The following ZNF362 variants were observed in gnomAD, a reference collection of about 807,000 sequenced individuals.
The protein encoded by ZNF362 is zinc finger protein 362.
In ZNF362, 11 loss-of-function variants were observed where a neutral mutation model predicts 42.9. The observed-to-expected ratio is 0.26, with a 90% CI of 0.16 to 0.42. The LOEUF (loss-of-function observed/expected upper bound fraction) is 0.42. Ranked by LOEUF, ZNF362 falls within the 20% of genes least tolerant of loss-of-function variation. ZNF362 has a pLI of 1.00. For missense variants in ZNF362, 362 were observed against 576.2 expected (o/e 0.63, Z 3.81); for synonymous variants, 255 against 257.3 (o/e 0.99, Z 0.09).
chr1:33,280,876 C>G lies in ZNF362; in HGVS notation c.683+419C>G, dbSNP rs956131020. ...CTGCGGTCAGGAGTTTGAGACCAGCCTGGCCAGCATGGTGAAACCTCGTCT... is the reference window on the plus strand; with the variant it reads ...CTGCGGTCAGGAGTTTGAGACCAGCGTGGCCAGCATGGTGAAACCTCGTCT... On this transcript the variant is annotated intron_variant, in intron 5 of 8. Coordinates refer to ENST00000539719, the MANE Select transcript of ZNF362 (RefSeq NM_152493.3). The surrounding 1 kb of genome is among the most constrained non-coding windows in gnomAD (Gnocchi z 5.6). Among the ~76,000 whole-genome samples the G allele has an allele frequency of 2.0e-5, 3 of 152,192 alleles. No homozygotes were observed. Among genetic ancestry groups the G allele is most frequent in the African/African-American group, 7.2e-5 (3 of 41,444 alleles).
At chr1:33,218,928 GACATACACAC>G in the ZNF362 span, among the ~76,000 whole-genome samples, 1 of 69,526 alleles carries the variant, frequency 1.4e-5, no homozygotes, top group African/African-American at 5.3e-5. Flanking sequence ...CCAGGAGCTG[GACATACACAC>G]ACACACACAC....
the ZNF362 span, among the ~76,000 whole-genome samples, chr1:33,240,640 T>C: frequency 1.1e-4 from 2 of 18,558 alleles, no homozygotes; most frequent in Non-Finnish European, 1.6e-4. Context: ...AATGTATTTG[T>C]TTGTTTACAG....
chr1:33,172,545 G>C, the ZNF362 span, among the ~76,000 whole-genome samples: 1 of 152,140 alleles, frequency 6.6e-6, no homozygotes. Flanking sequence ...GGCCCCATCG[G>C]AGCGGGGGTG....
chr1:33,206,295 A>G, the ZNF362 span, among the ~76,000 whole-genome samples: 1 of 152,150 alleles, frequency 6.6e-6, no homozygotes, highest in Non-Finnish European at 1.5e-5. Flanking sequence ...CTTCTAGAAG[A>G]AAACATATAA....
At chr1:33,233,924 A>G in the ZNF362 span, among the ~76,000 whole-genome samples, 1 of 152,180 alleles carries the variant, frequency 6.6e-6, no homozygotes, top group African/African-American at 2.4e-5. Flanking sequence ...GGGATATTTA[A>G]TAGTTTCCAC....
the ZNF362 span, among the ~76,000 whole-genome samples, chr1:33,138,640 A>AAAAG: frequency 4.0e-5 from 6 of 149,418 alleles, no homozygotes; most frequent in African/African-American, 9.7e-5. Flanking sequence ...AAAAAAAAAA[A>AAAAG]AAAAAGAAAA....
In ZNF362 at chr1:33,280,404, C is replaced by A; in HGVS notation, c.630C>A (p.Val210=). 2 of 1,613,040 alleles carry A rather than the reference C, an allele frequency of 1.2e-6. No individual in the cohort carries two copies. Among genetic ancestry groups the A allele is most frequent in the Non-Finnish European group, 1.7e-6 (2 of 1,179,544 alleles). Residue 210 remains valine (V), a synonymous_variant, in exon 5 of 9, where the codon GTC becomes GTA. Transcript: ENST00000539719. This position sits in a 1 kb window ranked among gnomAD's most constrained non-coding sequence, Gnocchi z 5.6. ...ENPGGPPVLV[V]PYPILASGET... is the part of the protein sequence containing the mutation. ...CGGGGGGTCCGCCTGTCCTTGTAGT[C>A]CCCTATCCCATCCTGGCCTCGGGCG...
the ZNF362 span, among the ~76,000 whole-genome samples, chr1:33,236,105 C>G: frequency 2.0e-5 from 3 of 152,210 alleles, no homozygotes; most frequent in Admixed American, 6.5e-5. Context: ...TTCACCTTCC[C>G]TATTTATAGG....
At chr1:33,244,235 C>T in the ZNF362 span, among the ~76,000 whole-genome samples, 4 of 151,944 alleles carry the variant, frequency 2.6e-5, no homozygotes, top group East Asian at 7.7e-4. This position sits in a 1 kb window ranked among gnomAD's most constrained non-coding sequence, Gnocchi z 4.0. Context: ...CAGGGATGAA[C>T]TGTTTCCTTA....
At chr1:33,260,979 G>T (rs2148063032) in intron 1 of ZNF362, among the ~76,000 whole-genome samples, 1 of 152,262 alleles carries the variant, frequency 6.6e-6, no homozygotes, top group Non-Finnish European at 1.5e-5. Flanking sequence ...GACTCTCACT[G>T]CCTTATTTAG....
chr1:33,220,644 A>G, the ZNF362 span, among the ~76,000 whole-genome samples: 3 of 152,156 alleles, frequency 2.0e-5, no homozygotes, highest in Non-Finnish European at 2.9e-5. Flanking sequence ...GGCTTGCAGC[A>G]TCGCAGGCCT....
At chr1:33,147,046 G>T in the ZNF362 span, 1 of 908,712 alleles carries the variant, frequency 1.1e-6, no homozygotes, top group Non-Finnish European at 1.7e-6. The surrounding 1 kb of genome is among the most constrained non-coding windows in gnomAD (Gnocchi z 8.1). Flanking sequence ...CAGACTGGAG[G>T]CTGGAGGGTA....
At chr1:33,166,712 A>G in the ZNF362 span, among the ~76,000 whole-genome samples, 1 of 152,138 alleles carries the variant, frequency 6.6e-6, no homozygotes, top group East Asian at 1.9e-4. Context: ...CACGTTTTCT[A>G]CCATGATGAC....
At chr1:33,236,039 G>A in the ZNF362 span, among the ~76,000 whole-genome samples, 2 of 152,118 alleles carry the variant, frequency 1.3e-5, no homozygotes, top group African/African-American at 4.8e-5. Flanking sequence ...TGCAAGTGCT[G>A]ACTGTTGCCC....
rs1235189189 is a variant in ZNF362 at position 33,300,036 on chromosome 1, C to T, written c.*990C>T. The T allele has an allele frequency of 6.6e-6, 1 of 152,642 alleles. No individual in the cohort carries two copies. Among genetic ancestry groups the T allele is most frequent in the Non-Finnish European group, 1.5e-5 (1 of 68,134 alleles). 9.5% of individuals were successfully genotyped at this position (152,642 alleles called of 1,614,324 possible). On this transcript the variant is annotated 3_prime_UTR_variant, in exon 9 of 9. Transcript: ENST00000539719. ...AAGGGATCCCCGGGGAGGCAGGTCC[C>T]AGGAGCAGACCCTGCCCCCAGCCCC...
the ZNF362 span, among the ~76,000 whole-genome samples, chr1:33,239,317 C>T: frequency 6.6e-6 from 1 of 152,088 alleles, no homozygotes; most frequent in Non-Finnish European, 1.5e-5. Context: ...CCAAATGTTC[C>T]CTCTGGGGTC....
chr1:33,179,937 A>T, the ZNF362 span, among the ~76,000 whole-genome samples: 1 of 152,160 alleles, frequency 6.6e-6, no homozygotes, highest in Non-Finnish European at 1.5e-5. Flanking sequence ...AATATACTAT[A>T]TTTCCCACAC....
chr1:33,271,449 C>A (rs573409069), intron 2 of ZNF362, among the ~76,000 whole-genome samples: 1 of 152,366 alleles, frequency 6.6e-6, no homozygotes, highest in African/African-American at 2.4e-5. Context: ...GTCCCTGGCT[C>A]TGGGCTGCTA....
intron 1 of ZNF362, among the ~76,000 whole-genome samples, chr1:33,267,812 G>A (rs970599240): frequency 6.6e-6 from 1 of 152,156 alleles, no homozygotes; most frequent in African/African-American, 2.4e-5. Flanking sequence ...AACCACTGAC[G>A]CAAACAGCTT....
Sources: allele counts gnomAD v4.1 joint callset (sites outside exome capture counted in the v4.1 genomes callset), GRCh38; gene constraint gnomAD v4.1.1; non-coding constraint Gnocchi (gnomAD v3.1); transcripts MANE v1.5; gene names NCBI Gene and HGNC (gene_info 2026-07-23, HGNC 2026-07-21).